Variants in NR4A1 observed in about 807,000 individuals in gnomAD.
The protein encoded by NR4A1 is nuclear receptor subfamily 4 group A member 1.
In NR4A1, 24 loss-of-function variants were observed where a neutral mutation model predicts 47.5. The ratio of observed to expected loss-of-function variants is 0.50; its 90% CI spans 0.37 to 0.71. NR4A1 has a LOEUF of 0.71. Ranked by LOEUF, NR4A1 falls within the 30% of genes least tolerant of loss-of-function variation. The pLI is 0.00. For synonymous variants in NR4A1, 353 were observed against 345.7 expected, an observed-to-expected ratio of 1.02 and a Z score of -0.24; for missense variants, 669 against 788.6, an observed-to-expected ratio of 0.85 and a Z score of 1.82.
intron 4 of NR4A1, 182 bp from the exon 5 acceptor site, chr12:52,056,875 A>T: frequency 1.2e-6 from 1 of 803,290 alleles, no homozygotes. Flanking sequence ...TTAGAAAAAT[A>T]TGTCCTTTTG....
At chr12:52,033,187 C>T (rs368784530) in intron 1 of NR4A1, among the ~76,000 whole-genome samples, 10 of 152,316 alleles carry the variant, frequency 6.6e-5, no homozygotes, top group African/African-American at 2.4e-4. Context: ...CCGCCCAGCC[C>T]GGCCGCCCCC....
chr12:52,023,928 A>AC (rs1176083970), intron 1 of NR4A1, among the ~76,000 whole-genome samples: 2 of 151,680 alleles, frequency 1.3e-5, no homozygotes, highest in African/African-American at 2.4e-5. Flanking sequence ...CGGCTCCTGG[A>AC]CCCCCCTGGA....
At chr12:52,041,212 C>T (rs1372599028) in intron 1 of NR4A1, among the ~76,000 whole-genome samples, 1 of 152,056 alleles carries the variant, frequency 6.6e-6, no homozygotes, top group African/African-American at 2.4e-5. Flanking sequence ...GCTGATAAGC[C>T]TGTGATTGTT....
At chr12:52,046,858 T>C (rs112355245), upstream of NR4A1, among the ~76,000 whole-genome samples, 6,891 of 152,054 alleles carry the variant, frequency 0.045, 509 homozygotes, top group African/African-American at 0.16. Context: ...TGGCGGGCGC[T>C]TGTAGTCCCA....
intron 1 of NR4A1, chr12:52,038,825 G>T: frequency 1.4e-6 from 1 of 735,540 alleles, no homozygotes; most frequent in South Asian, 1.4e-5. Context: ...GCCTCTGCTG[G>T]ACTTAAGAAA....
chr12:52,038,701 C>G, intron 1 of NR4A1: 1 of 764,400 alleles, frequency 1.3e-6, no homozygotes, highest in African/African-American at 1.7e-5. Context: ...TCATCCAGAG[C>G]TGTGAGGAAT....
At chr12:52,037,515 CT>C (rs1392769392) in intron 1 of NR4A1, 2 of 980,704 alleles carry the variant, frequency 2.0e-6, no homozygotes, top group East Asian at 2.3e-4. Context: ...CGGTGGATGC[CT>C]TTGGGCGGGC....
At chr12:52,056,893 C>T (rs771737740) in intron 4 of NR4A1, 164 bp from the exon 5 acceptor site, 11 of 819,762 alleles carry the variant, frequency 1.3e-5, no homozygotes, top group Admixed American at 5.8e-5. Context: ...TTGGCAGCTG[C>T]AGCCCTGGGT....
At chr12:52,056,864 A>G (rs547876699) in intron 4 of NR4A1, 193 bp from the exon 5 acceptor site, 14 of 796,080 alleles carry the variant, frequency 1.8e-5, no homozygotes, top group South Asian at 3.8e-5. Context: ...CAGGTGGCCA[A>G]TTAGAAAAAT....
At chr12:52,034,928 C>T (rs1186051865) in intron 1 of NR4A1, among the ~76,000 whole-genome samples, 3 of 152,194 alleles carry the variant, frequency 2.0e-5, no homozygotes, top group Non-Finnish European at 4.4e-5. Flanking sequence ...TGTCTGCTCT[C>T]AAAGAGGCAC....
At chr12:52,058,664 G>A (rs1206374191) in intron 6 of NR4A1, 24 bp from the exon 7 acceptor site, 2 of 1,553,672 alleles carry the variant, frequency 1.3e-6, no homozygotes, top group Non-Finnish European at 1.7e-6. Context: ...CAGATGTACA[G>A]CTAATCCTGT....
At chr12:52,043,716 G>A in intron 2 of NR4A1, 1 of 1,271,482 alleles carries the variant, frequency 7.9e-7, no homozygotes. Context: ...CGGCTTGGAG[G>A]CAGCACCACA....
At chr12:52,052,304 T>TGTGTGTGC (rs398019589) in intron 1 of NR4A1, among the ~76,000 whole-genome samples, 1 of 70,594 alleles carries the variant, frequency 1.4e-5, no homozygotes, top group Non-Finnish European at 3.3e-5. Context: ...TGTGTGTGTG[T>TGTGTGTGC]GAGAGAGAGA....
chr12:52,035,660 G>A (rs1938219324), intron 1 of NR4A1, among the ~76,000 whole-genome samples: 1 of 152,158 alleles, frequency 6.6e-6, no homozygotes, highest in African/African-American at 2.4e-5. Flanking sequence ...CCTAATACTT[G>A]AACCTGGGAG....
chr12:52,057,700 A>G (rs1047681868), intron 6 of NR4A1, among the ~76,000 whole-genome samples, 170 bp downstream of exon 6: 1 of 152,242 alleles, frequency 6.6e-6, no homozygotes, highest in African/African-American at 2.4e-5. Context: ...TAGGAATTGC[A>G]GATGGGCTCA....
intron 1 of NR4A1, among the ~76,000 whole-genome samples, chr12:52,025,969 G>A (rs1031623572): frequency 6.6e-6 from 1 of 152,220 alleles, no homozygotes; most frequent in Admixed American, 6.5e-5. Context: ...GGCCCCCTGC[G>A]CTAATCTGCC....
chr12:52,039,120 T>TA (rs1384465280), intron 1 of NR4A1, among the ~76,000 whole-genome samples: 1 of 152,252 alleles, frequency 6.6e-6, no homozygotes, highest in Non-Finnish European at 1.5e-5. Context: ...TCCTCATTGG[T>TA]AAAATGTGCA....
chr12:52,052,388 T>G (rs933277924), intron 1 of NR4A1: 1 of 651,804 alleles, frequency 1.5e-6, no homozygotes, highest in African/African-American at 2.0e-5. Flanking sequence ...TTGCCAGTGT[T>G]GGAGTCTTGG....
intron 1 of NR4A1, among the ~76,000 whole-genome samples, chr12:52,030,003 T>C (rs983635674): frequency 6.6e-6 from 1 of 152,170 alleles, no homozygotes; most frequent in South Asian, 2.1e-4. Flanking sequence ...CCCCTAGAAG[T>C]GGACACTTAT....
Sources: allele counts gnomAD v4.1 joint callset (sites outside exome capture counted in the v4.1 genomes callset), GRCh38; gene constraint gnomAD v4.1.1; transcripts MANE v1.5; gene names NCBI Gene and HGNC (gene_info 2026-07-23, HGNC 2026-07-21).